The following PNPLA5 variants were observed in gnomAD, a reference collection of about 807,000 sequenced individuals.
PNPLA5 encodes patatin-like phospholipase domain-containing protein 5.
In PNPLA5, 44 loss-of-function variants were observed where a neutral mutation model predicts 49.1. That is an observed-to-expected ratio of 0.90 (90% CI 0.70 to 1.15). PNPLA5 has a LOEUF of 1.15. PNPLA5 is among the 50% of genes most tolerant of loss of function. PNPLA5 has a pLI of 0.00. For missense variants in PNPLA5, 603 were observed against 564.0 expected (o/e 1.07, Z -0.70); for synonymous variants, 243 against 244.4 (o/e 0.99, Z 0.06).
chr22:43,885,494 T>G (rs559565435), intron 6 of PNPLA5, among the ~76,000 whole-genome samples: 1 of 150,926 alleles, frequency 6.6e-6, no homozygotes, highest in East Asian at 2.0e-4. Context: ...TCACCTCTGC[T>G]GCCTGTCCCT....
chr22:43,891,864 T>A lies in PNPLA5; in HGVS notation c.17A>T (p.Glu6Val). ...GAAGGACAGGTTCCATCTGCCCTCC[T>A]CCTCTAAGAAGCCCATGGCGGGTGG... Reference protein sequence around the residue: MGFLEEEGRWNLSFSG... With the variant: MGFLEVEGRWNLSFSG... Residue 6 changes from glutamate (E) to valine (V), a missense_variant, in exon 1 of 9, where the codon GAG (glutamate) becomes GTG (valine). Physicochemically the swap from Glu to Val is moderately radical, Grantham distance 121 (BLOSUM62 -2). Coordinates refer to ENST00000216177, the MANE Select transcript of PNPLA5 (RefSeq NM_138814.4). The A allele has an allele frequency of 6.6e-7, 1 of 1,515,872 alleles. No individual in the cohort carries two copies. Among genetic ancestry groups the A allele is most frequent in the South Asian group, 1.3e-5 (1 of 79,042 alleles). 93.9% of individuals were successfully genotyped at this position (1,515,872 alleles called of 1,614,324 possible).
At position 43,891,479 on chromosome 22, in the gene PNPLA5, G is replaced by A. The variant is rs1021453846; in HGVS notation, c.194-185C>T. 4.3e-6 allele frequency: 4 copies of A among 930,932 alleles called. No individual in the cohort carries two copies. The African/African-American group carries it at 7.1e-5, about 17-fold the overall frequency. 57.7% of individuals were successfully genotyped at this position (930,932 alleles called of 1,614,324 possible). A position where few individuals can be genotyped will look rare whatever the true frequency, so the allele number is the denominator to read the frequency against. On this transcript the variant is annotated intron_variant, in intron 1 of 8. Transcript: ENST00000216177. ...TTCACTTTTTGCCCCGCCGACCTGGGAAACAGAGTTTCTGGCTCTGAGCCA... is the reference window on the plus strand; with the variant it reads ...TTCACTTTTTGCCCCGCCGACCTGGAAAACAGAGTTTCTGGCTCTGAGCCA...
At chr22:43,882,471 C>T (rs1315382876) in intron 7 of PNPLA5, among the ~76,000 whole-genome samples, 1 of 152,240 alleles carries the variant, frequency 6.6e-6, no homozygotes, top group Non-Finnish European at 1.5e-5. Context: ...ACTAGGCATG[C>T]AGTCCAGAGA....
chr22:43,891,594 G>A (rs2049723800), intron 1 of PNPLA5, 94 bp downstream of exon 1: 1 of 1,408,914 alleles, frequency 7.1e-7, no homozygotes, highest in Middle Eastern at 1.9e-4. Flanking sequence ...GGTAGAGGGC[G>A]CAGAGCACAG....
intron 4 of PNPLA5, among the ~76,000 whole-genome samples, chr22:43,887,946 C>G (rs568881852): frequency 6.6e-6 from 1 of 152,236 alleles, no homozygotes; most frequent in East Asian, 1.9e-4. Context: ...CCTCCCCTCT[C>G]TTGCCTCAGT....
intron 4 of PNPLA5, among the ~76,000 whole-genome samples, chr22:43,889,053 G>A (rs558308944): frequency 2.0e-5 from 3 of 152,356 alleles, no homozygotes; most frequent in East Asian, 1.9e-4. Flanking sequence ...CACAGGCAAA[G>A]GCCCTGCTCA....
At chr22:43,881,733 C>A in intron 7 of PNPLA5, 59 bp from the exon 8 acceptor site, 1 of 1,578,674 alleles carries the variant, frequency 6.3e-7, no homozygotes, top group Admixed American at 1.8e-5. Context: ...CCCCACCAAG[C>A]CCACCCTCCC....
At chr22:43,884,112 G>T in intron 7 of PNPLA5, 101 bp downstream of exon 7, 1 of 369,258 alleles carries the variant, frequency 2.7e-6, no homozygotes, top group Non-Finnish European at 5.0e-6. Flanking sequence ...CCCCCACCCC[G>T]CCGAGCCCTA....
At chr22:43,889,304 A>G in intron 4 of PNPLA5, 25 bp downstream of exon 4, 1 of 1,612,164 alleles carries the variant, frequency 6.2e-7, no homozygotes, top group Non-Finnish European at 8.5e-7. Flanking sequence ...CCAAGCCTCT[A>G]ACACCATCAC....
intron 2 of PNPLA5, among the ~76,000 whole-genome samples, chr22:43,890,523 T>C (rs2049711836): frequency 6.6e-6 from 1 of 152,202 alleles, no homozygotes; most frequent in Non-Finnish European, 1.5e-5. Flanking sequence ...AAGCATCTTT[T>C]TTAGACATCC....
chr22:43,886,152 GC>G, intron 6 of PNPLA5, 150 bp downstream of exon 6: 2 of 802,430 alleles, frequency 2.5e-6, no homozygotes, highest in Middle Eastern at 3.6e-4. Context: ...CATGTGAAAA[GC>G]CCATAGTACC....
Position 43,891,810 on chromosome 22 carries a change from T to A in PNPLA5, c.71A>T (p.His24Leu). 4.6e-6 allele frequency: 7 copies of A among 1,521,524 alleles called. No individual in the cohort carries two copies. The highest frequency in any genetic ancestry group is 5.3e-6 in the Non-Finnish European group (6 of 1,139,100). 94.3% of individuals were successfully genotyped at this position (1,521,524 alleles called of 1,614,324 possible). ...GCGCAGGCATTCGGTGGCGCCCACG[T>A]GGTGGGCGCCCAGGTAGCCGGCGCC... is the stretch of plus-strand genomic sequence containing the variant. ...FSGAGYLGAH[H>L]VGATECLRQR... Residue 24 changes from histidine to leucine, a missense_variant, in exon 1 of 9, where the codon CAC becomes CTC. Transcript: ENST00000216177.
In PNPLA5 at chr22:43,880,489, C is replaced by T. The variant is rs967511871; in HGVS notation, c.*306G>A. 1 of 398,936 alleles carries T rather than the reference C, an allele frequency of 2.5e-6. No individual in the cohort carries two copies. Among genetic ancestry groups the T allele is most frequent in the Non-Finnish European group, 4.4e-6 (1 of 226,322 alleles). The allele number at this position is 398,936 out of a possible 1,614,324, so 24.7% of individuals were successfully genotyped here. The stretch of plus-strand genomic sequence containing the variant: ...GCAGCTCCACGGCAGAACAGGAGCC[C>T]CTCTCCCCAGCAATGCTGCCCTCCT... On this transcript the variant is annotated 3_prime_UTR_variant, in exon 9 of 9. Transcript: ENST00000216177.
chr22:43,891,016 T>A, intron 2 of PNPLA5, 46 bp downstream of exon 2: 2 of 1,576,464 alleles, frequency 1.3e-6, no homozygotes, highest in Non-Finnish European at 1.7e-6. Flanking sequence ...CTGGACTAGA[T>A]GGAGCCCGCC....
chr22:43,881,446 C>G, intron 8 of PNPLA5, 112 bp downstream of exon 8: 2 of 1,088,612 alleles, frequency 1.8e-6, no homozygotes, highest in Non-Finnish European at 2.6e-6. Context: ...CGCAGGTAAG[C>G]AGGTGGGCAG....
intron 6 of PNPLA5, among the ~76,000 whole-genome samples, chr22:43,885,514 G>A (rs1176689884): frequency 6.6e-6 from 1 of 151,406 alleles, no homozygotes; most frequent in Non-Finnish European, 1.5e-5. Context: ...TCATGCCGCA[G>A]CCACAGGGAC....
At position 43,891,107 on chromosome 22, in the gene PNPLA5, G is replaced by A; in HGVS notation, c.381C>T (p.Arg127=). 1 of 1,610,758 alleles carries A rather than the reference G, an allele frequency of 6.2e-7. No individual in the cohort carries two copies. Among genetic ancestry groups the A allele is most frequent in the African/African-American group, 1.3e-5 (1 of 75,020 alleles). Residue 127 remains arginine, a synonymous_variant, in exon 2 of 9, where the codon CGC becomes CGT. Coordinates refer to ENST00000216177, the MANE Select transcript of PNPLA5 (RefSeq NM_138814.4). ...TGGCGAAGTCAGTGACCAAGAAGTT[G>A]CGTCCGTCAGGCCAGCGGGTCAGCG... is the stretch of plus-strand genomic sequence containing the variant. The part of the protein sequence containing the change: ...GISLTRWPDG[R]NFLVTDFATC...
chr22:43,889,537 C>G lies in PNPLA5; in HGVS notation c.494G>C (p.Arg165Pro), dbSNP rs368567538. 1.7e-5 allele frequency: 27 copies of G among 1,601,828 alleles called. No homozygotes were observed. The highest frequency in any genetic ancestry group is 1.7e-4 in the South Asian group (15 of 89,832). Residue 165 changes from arginine to proline, a missense_variant and splice_region_variant, in exon 4 of 9, where the codon CGC (arginine) becomes CCC (proline). By Grantham distance (103) the Arg-to-Pro change is moderately radical. Coordinates refer to ENST00000216177, the MANE Select transcript of PNPLA5 (RefSeq NM_138814.4). ...GTTGCTCAGAGCCCCATCGATGTAG[C>G]GCTGCAATTTGTGGGGAGCAGGTGG... Reference protein sequence around the residue: ...GLIPPEFRGERYIDGALSNNL... With the variant: ...GLIPPEFRGEPYIDGALSNNL...
At position 43,880,036 on chromosome 22, in the gene PNPLA5, G is replaced by T. The variant is rs1267650173; in HGVS notation, c.*759C>A. 2.3e-5 allele frequency: 4 copies of T among 174,910 alleles called. No individual in the cohort carries two copies. Among genetic ancestry groups the T allele is most frequent in the Non-Finnish European group, 4.8e-5 (4 of 83,564 alleles). 10.8% of individuals were successfully genotyped at this position (174,910 alleles called of 1,614,324 possible). A position where few individuals can be genotyped will look rare whatever the true frequency, so the allele number is the denominator to read the frequency against. On this transcript the variant is annotated 3_prime_UTR_variant, in exon 9 of 9. Transcript: ENST00000216177. ...CAGGGCCTGGCCGGGGGCACAGCAT[G>T]GGTCCCGTGCTGCCAATGGGGAGAG...
Sources: gnomAD v4.1 joint callset for allele counts (sites outside exome capture counted in the v4.1 genomes callset) on GRCh38, gnomAD v4.1.1 for gene constraint, MANE v1.5 for transcripts, NCBI Gene and HGNC (gene_info 2026-07-23, HGNC 2026-07-21) for gene names.